Variants in CDKL4 observed in about 807,000 individuals in gnomAD.
The protein encoded by CDKL4 is cyclin dependent kinase like 4, also known as cyclin-dependent kinase-like 4.
CDKL4 carries 44 observed loss-of-function variants against 42.0 expected under a neutral mutation model. That is an observed-to-expected ratio of 1.05 (90% CI 0.82 to 1.35). The LOEUF is 1.35. Among genes scored for constraint, CDKL4 ranks in the 40% most tolerant of loss-of-function variants. The pLI is 0.00. For missense variants in CDKL4, 393 were observed against 369.9 expected, an observed-to-expected ratio of 1.06 and a Z score of -0.51; for synonymous variants, 120 against 121.6, an observed-to-expected ratio of 0.99 and a Z score of 0.09.
chr2:39,247,102 T>C (rs1679943317), upstream of CDKL4, among the ~76,000 whole-genome samples: 1 of 152,208 alleles, frequency 6.6e-6, no homozygotes. Flanking sequence ...GTGTGCTCCT[T>C]GGATGAATAC....
downstream of CDKL4, chr2:39,175,579 C>A: frequency 6.2e-6 from 1 of 161,376 alleles, no homozygotes. Context: ...AATTACAATG[C>A]AGGAACATAT....
chr2:39,170,422 A>C, the CDKL4 span, among the ~76,000 whole-genome samples: 1 of 152,026 alleles, frequency 6.6e-6, no homozygotes, highest in Non-Finnish European at 1.5e-5. Flanking sequence ...GATGAAGCTA[A>C]CACTGACTCC....
At chr2:39,244,604 C>G (rs1262794983), upstream of CDKL4, among the ~76,000 whole-genome samples, 1 of 152,352 alleles carries the variant, frequency 6.6e-6, no homozygotes, top group East Asian at 1.9e-4. Flanking sequence ...CGACGAGTGC[C>G]ACCCCCTGCT....
intron 1 of CDKL4, among the ~76,000 whole-genome samples, chr2:39,243,629 G>A (rs1679773697): frequency 6.6e-6 from 1 of 152,174 alleles, no homozygotes; most frequent in Non-Finnish European, 1.5e-5. Flanking sequence ...GGCCCCCGCC[G>A]CCGCCCACTC....
At chr2:39,210,655 G>C (rs1677534336) in intron 4 of CDKL4, among the ~76,000 whole-genome samples, 1 of 152,156 alleles carries the variant, frequency 6.6e-6, no homozygotes, top group Non-Finnish European at 1.5e-5. Flanking sequence ...GTTATATAGG[G>C]ATAAAGTATA....
At chr2:39,235,171 C>G (rs1325821362) in intron 1 of CDKL4, among the ~76,000 whole-genome samples, 1 of 152,132 alleles carries the variant, frequency 6.6e-6, no homozygotes, top group African/African-American at 2.4e-5. Flanking sequence ...AGCCTCCACA[C>G]CCAGCTGATA....
At position 39,238,364 on chromosome 2, in the gene CDKL4, T is replaced by C. The variant is rs1009516358; in HGVS notation, c.-57+5507A>G. Among the ~76,000 whole-genome samples, 5 of 152,208 alleles carry C rather than the reference T, an allele frequency of 3.3e-5. 1 individual carries two copies. The highest frequency in any genetic ancestry group is 1.2e-4 in the African/African-American group (5 of 41,458). On this transcript the variant is annotated intron_variant, in intron 1 of 9. Transcript: ENST00000451199. ...GGGAGGATCACCTGAGCCCAGGAGT[T>C]TGAGGCTACATTGAGTTATGATTAT...
At chr2:39,223,274 C>T (rs1336382741) in intron 3 of CDKL4, among the ~76,000 whole-genome samples, 3 of 152,024 alleles carry the variant, frequency 2.0e-5, no homozygotes, top group African/African-American at 4.8e-5. Flanking sequence ...ATATGTATAA[C>T]TTTTGCCCTC....
intron 5 of CDKL4, among the ~76,000 whole-genome samples, chr2:39,193,191 T>TG (rs1676294008): frequency 6.7e-6 from 1 of 149,866 alleles, no homozygotes; most frequent in African/African-American, 2.5e-5. Context: ...CCCAGCACTT[T>TG]GGGAGGCTGA....
At chr2:39,204,695 C>A in intron 4 of CDKL4, 78 bp from the exon 5 acceptor site, 1 of 742,878 alleles carries the variant, frequency 1.3e-6, no homozygotes, top group Non-Finnish European at 2.3e-6. Flanking sequence ...GTTTAAATAA[C>A]AGATACACAG....
intron 3 of CDKL4, among the ~76,000 whole-genome samples, chr2:39,224,791 TTC>T (rs1678593058): frequency 6.6e-6 from 1 of 151,986 alleles, no homozygotes; most frequent in Admixed American, 6.6e-5. Context: ...CACCCAGCCA[TTC>T]TCTGTTAGAT....
intron 5 of CDKL4, among the ~76,000 whole-genome samples, chr2:39,201,695 A>G (rs561652247): frequency 2.4e-3 from 369 of 152,122 alleles, no homozygotes; most frequent in Non-Finnish European, 4.1e-3. Flanking sequence ...GGAGACCATT[A>G]TTCTAACCAT....
At chr2:39,181,998 T>G (rs1476695141) in intron 8 of CDKL4, among the ~76,000 whole-genome samples, 2 of 152,182 alleles carry the variant, frequency 1.3e-5, no homozygotes, top group Non-Finnish European at 2.9e-5. Context: ...TTTATTTTTT[T>G]TTAGAGATGA....
chr2:39,190,468 C>A, exon 6 of CDKL4: 1 of 1,614,068 alleles, frequency 6.2e-7, no homozygotes, highest in Non-Finnish European at 8.5e-7. Context: ...GGTACCATCT[C>A]GTAGCTACAT....
Position 39,229,351 on chromosome 2 carries a change from T to A in CDKL4, c.168+14A>T, listed in dbSNP as rs1457386191. 6.5e-7 allele frequency: 1 copy of A among 1,527,956 alleles called. No homozygotes were observed. The highest frequency in any genetic ancestry group is 8.9e-7 in the Non-Finnish European group (1 of 1,125,378). 94.6% of individuals were successfully genotyped at this position (1,527,956 alleles called of 1,614,324 possible). On this transcript the variant is annotated intron_variant, in intron 2 of 9. Coordinates refer to ENST00000451199, the Ensembl canonical transcript of CDKL4. ...AATTCCATGATATTTTACATATATA[T>A]AAAGTTAACTTACCTTCAACATACG...
chr2:39,201,212 A>T (rs1209064608), intron 5 of CDKL4, among the ~76,000 whole-genome samples: 1 of 152,094 alleles, frequency 6.6e-6, no homozygotes, highest in Non-Finnish European at 1.5e-5. Context: ...CATGAAAAAA[A>T]TGCTCAACAT....
chr2:39,190,269 T>G, intron 6 of CDKL4, 36 bp downstream of exon 6: 6 of 1,473,294 alleles, frequency 4.1e-6, no homozygotes, highest in Non-Finnish European at 5.7e-6. Context: ...GCTATAACAA[T>G]TCAGCAACTC....
chr2:39,230,979 G>T (rs11124664), intron 1 of CDKL4, among the ~76,000 whole-genome samples: 110,749 of 152,006 alleles, frequency 0.73, 45,077 homozygotes, highest in Non-Finnish European at 0.91. Flanking sequence ...GGAGGTCGAG[G>T]CAGGTGGATC....
At chr2:39,243,654 T>C (rs1679774538) in intron 1 of CDKL4, among the ~76,000 whole-genome samples, 1 of 152,078 alleles carries the variant, frequency 6.6e-6, no homozygotes, top group Non-Finnish European at 1.5e-5. Flanking sequence ...GGCAGCACCA[T>C]TTCCGCCCCG....
Sources: gnomAD v4.1 joint callset for allele counts (sites outside exome capture counted in the v4.1 genomes callset) on GRCh38, gnomAD v4.1.1 for gene constraint, MANE v1.5 for transcripts, NCBI Gene and HGNC (gene_info 2026-07-23, HGNC 2026-07-21) for gene names.